The following KCTD16 variants were observed in gnomAD, a reference collection of about 807,000 sequenced individuals.
KCTD16 encodes BTB/POZ domain-containing protein KCTD16.
KCTD16 carries 13 observed loss-of-function variants against 33.2 expected under a neutral mutation model. That is an observed-to-expected ratio of 0.39 (90% CI 0.25 to 0.62). The LOEUF (loss-of-function observed/expected upper bound fraction) is 0.62, where lower values mean the gene tolerates loss of function less well. Among genes scored for constraint, KCTD16 ranks in the 20% least tolerant of loss-of-function variants. The probability of loss-of-function intolerance (pLI) is 0.50; values close to 1 mark genes in which losing one functional copy is unlikely to be tolerated. For missense variants in KCTD16, 441 were observed against 525.1 expected (o/e 0.84, Z 1.57); for synonymous variants, 197 against 195.3 (o/e 1.01, Z -0.07).
chr5:144,399,084 A>G (rs1394503961), intron 3 of KCTD16, among the ~76,000 whole-genome samples: 1 of 152,152 alleles, frequency 6.6e-6, no homozygotes, highest in Non-Finnish European at 1.5e-5. Context: ...TGTTGACTGA[A>G]CTCCTACTAT....
chr5:144,370,659 AG>A (rs1751947453), intron 3 of KCTD16, among the ~76,000 whole-genome samples: 1 of 152,204 alleles, frequency 6.6e-6, no homozygotes, highest in Non-Finnish European at 1.5e-5. Flanking sequence ...ACTAATCTTT[AG>A]GCATATATTT....
At position 144,190,937 on chromosome 5, in the gene KCTD16, AC is replaced by A. The variant is rs542692994; in HGVS notation, c.-326-15450del. On this transcript the variant is annotated intron_variant, in intron 2 of 3. Transcript: ENST00000512467. ...AATGGGCACTCACAGACACACACAC[AC>A]CACAACACACATAAAACATTCTCAT... 2.0e-3 allele frequency among the ~76,000 whole-genome samples: 306 copies of A among 152,284 alleles called. 1 individual carries two copies. Among genetic ancestry groups the A allele is most frequent in the Admixed American group, 7.7e-3 (118 of 15,296 alleles).
At chr5:144,285,128 C>T (rs1241341316) in intron 3 of KCTD16, among the ~76,000 whole-genome samples, 1 of 152,140 alleles carries the variant, frequency 6.6e-6, no homozygotes, top group African/African-American at 2.4e-5. Context: ...GCTGCAGCTG[C>T]TGCATCACAA....
At chr5:144,441,635 A>G (rs1224618990) in intron 3 of KCTD16, among the ~76,000 whole-genome samples, 1 of 152,116 alleles carries the variant, frequency 6.6e-6, no homozygotes, top group Non-Finnish European at 1.5e-5. Context: ...GACTATAGAT[A>G]TAAGGTTTTA....
At chr5:144,279,569 C>T (rs1245258696) in intron 3 of KCTD16, among the ~76,000 whole-genome samples, 1 of 152,158 alleles carries the variant, frequency 6.6e-6, no homozygotes, top group Non-Finnish European at 1.5e-5. Context: ...GCTGAGAAGT[C>T]CAAGATCAAG....
intron 3 of KCTD16, among the ~76,000 whole-genome samples, chr5:144,233,773 G>A (rs1326007998): frequency 6.6e-6 from 1 of 152,146 alleles, no homozygotes; most frequent in Admixed American, 6.5e-5. Flanking sequence ...GCAAGATAAG[G>A]CAGAGTTGCC....
At position 144,207,190 on chromosome 5, in the gene KCTD16, C is replaced by T. The variant is rs767471123; in HGVS notation, c.476C>T (p.Ala159Val). 3 of 1,613,288 alleles carry T rather than the reference C, an allele frequency of 1.9e-6. No homozygotes were observed. Among genetic ancestry groups the T allele is most frequent in the Non-Finnish European group, 2.5e-6 (3 of 1,179,616 alleles). Residue 159 changes from alanine to valine, a missense_variant, in exon 3 of 4, where the codon GCC becomes GTC. Coordinates refer to ENST00000512467, the MANE Select transcript of KCTD16 (RefSeq NM_020768.4). ...TGCCCCCCTTCCTCCCTGCTCCCTG[C>T]CGACCGCAAGTGGGGTTTCATTACT... The part of the protein sequence containing the change: ...RICPPSSLLP[A>V]DRKWGFITVG...
intron 3 of KCTD16, among the ~76,000 whole-genome samples, chr5:144,260,172 T>G (rs1455536111): frequency 1.3e-5 from 2 of 152,246 alleles, no homozygotes; most frequent in Non-Finnish European, 2.9e-5. Context: ...GAAAAAGTCC[T>G]GAGAAGTAAG....
chr5:144,266,763 C>G (rs1755155832), intron 3 of KCTD16, among the ~76,000 whole-genome samples: 1 of 150,956 alleles, frequency 6.6e-6, no homozygotes, highest in African/African-American at 2.4e-5. Flanking sequence ...ATGAACCCAG[C>G]TAATCACACA....
intron 2 of KCTD16, among the ~76,000 whole-genome samples, chr5:144,202,800 T>C (rs1753074239): frequency 6.6e-6 from 1 of 152,188 alleles, no homozygotes; most frequent in South Asian, 2.1e-4. Context: ...ATGTTTCAGG[T>C]GGTATGATCA....
chr5:144,334,106 A>G (rs1752422208), intron 3 of KCTD16, among the ~76,000 whole-genome samples: 2 of 152,202 alleles, frequency 1.3e-5, no homozygotes, highest in South Asian at 4.1e-4. Context: ...TCAGAGGTTG[A>G]AGGGAACCAG....
intron 2 of KCTD16, among the ~76,000 whole-genome samples, chr5:144,195,715 G>A (rs1752927762): frequency 6.6e-6 from 1 of 152,152 alleles, no homozygotes; most frequent in African/African-American, 2.4e-5. Flanking sequence ...GCCCTGTCTG[G>A]AACAGCTCTA....
intron 3 of KCTD16, chr5:144,385,224 A>G (rs1752298807): frequency 6.6e-6 from 1 of 152,258 alleles, no homozygotes; most frequent in African/African-American, 2.4e-5. Flanking sequence ...TAAGGCACAA[A>G]AATTCAGAAA....
At chr5:144,253,464 A>G (rs1043127124) in intron 3 of KCTD16, among the ~76,000 whole-genome samples, 6 of 152,174 alleles carry the variant, frequency 3.9e-5, no homozygotes, top group Admixed American at 1.3e-4. Flanking sequence ...CACAGAGCAG[A>G]TGCTTTATTC....
At chr5:144,357,345 C>T (rs191212752) in intron 3 of KCTD16, among the ~76,000 whole-genome samples, 10 of 152,276 alleles carry the variant, frequency 6.6e-5, no homozygotes, top group African/African-American at 2.2e-4. Context: ...AGACCTTTAC[C>T]TTTCTATAGC....
intron 1 of KCTD16, among the ~76,000 whole-genome samples, chr5:144,172,457 T>C (rs1041938109): frequency 2.0e-5 from 3 of 152,236 alleles, no homozygotes; most frequent in Admixed American, 6.5e-5. Context: ...AACTATACAA[T>C]AAATTATTGT....
At chr5:144,223,740 T>C (rs1457889017) in intron 3 of KCTD16, among the ~76,000 whole-genome samples, 1 of 152,150 alleles carries the variant, frequency 6.6e-6, no homozygotes. Flanking sequence ...AGGAATTCCA[T>C]GATTTCATGA....
At chr5:144,386,487 T>G (rs912053739) in intron 3 of KCTD16, among the ~76,000 whole-genome samples, 2 of 152,240 alleles carry the variant, frequency 1.3e-5, no homozygotes, top group African/African-American at 2.4e-5. Context: ...GTCACATTTG[T>G]TCTCTCTTTC....
chr5:144,392,018 G>A (rs1164453100), intron 3 of KCTD16, among the ~76,000 whole-genome samples: 1 of 152,180 alleles, frequency 6.6e-6, no homozygotes. Context: ...AGGAAGAAAG[G>A]TATTAGGTAA....
Sources: allele counts gnomAD v4.1 joint callset (sites outside exome capture counted in the v4.1 genomes callset), GRCh38; gene constraint gnomAD v4.1.1; transcripts MANE v1.5; gene names NCBI Gene and HGNC (gene_info 2026-07-23, HGNC 2026-07-21).